Variants in C22orf31 observed in about 807,000 individuals in gnomAD.
C22orf31 encodes uncharacterized protein C22orf31.
C22orf31 carries 11 observed loss-of-function variants against 15.0 expected under a neutral mutation model. The observed-to-expected ratio is 0.73, with a 90% CI of 0.46 to 1.21. The LOEUF (loss-of-function observed/expected upper bound fraction) is 1.21, where lower values mean the gene tolerates loss of function less well. Ranked by LOEUF, C22orf31 falls within the 50% of genes most tolerant of loss-of-function variation. The pLI is 0.00. For synonymous variants in C22orf31, 132 were observed against 133.3 expected, an observed-to-expected ratio of 0.99 and a Z score of 0.07; for missense variants, 340 against 347.2, an observed-to-expected ratio of 0.98 and a Z score of 0.17.
At position 29,060,666 on chromosome 22, in the gene C22orf31, AGGAAGT is replaced by A. The variant is rs2037381267; in HGVS notation, c.175_180del (p.Thr59_Ser60del). On this transcript the variant is annotated inframe_deletion, in exon 2 of 3. Transcript: ENST00000216071. ...AATGGGTTCCTTACAACTTCCCAAG[AGGAAGT>A]GGTAGCTGGTGCTGGGGCATTAATG... The A allele has an allele frequency of 6.2e-7, 1 of 1,614,186 alleles. No individual in the cohort carries two copies. The highest frequency in any genetic ancestry group is 8.5e-7 in the Non-Finnish European group (1 of 1,180,020).
upstream of C22orf31, among the ~76,000 whole-genome samples, chr22:29,065,705 G>C (rs1006127236): frequency 2.0e-5 from 3 of 152,222 alleles, no homozygotes; most frequent in African/African-American, 7.2e-5. Flanking sequence ...TCCCATCAAA[G>C]GCTGTTTAGA....
chr22:29,066,520 C>CTTTCTTTTCTTTTCT (rs1400927215), upstream of C22orf31, among the ~76,000 whole-genome samples: 1 of 107,650 alleles, frequency 9.3e-6, no homozygotes. Flanking sequence ...TTCTTTCTTT[C>CTTTCTTTTCTTTTCT]TTTCTTTTCT....
At chr22:29,066,709 C>G (rs1204944144), upstream of C22orf31, among the ~76,000 whole-genome samples, 1 of 151,686 alleles carries the variant, frequency 6.6e-6, no homozygotes, top group Non-Finnish European at 1.5e-5. Context: ...TACAAGCACT[C>G]ACCACCATGC....
chr22:29,060,910 AC>A, intron 1 of C22orf31, 67 bp from the exon 2 acceptor site: 1 of 1,311,230 alleles, frequency 7.6e-7, no homozygotes, highest in Non-Finnish European at 1.1e-6. Flanking sequence ...TAAAAGGTCT[AC>A]TTTGAAGGCA....
the C22orf31 span, among the ~76,000 whole-genome samples, chr22:29,072,678 C>T: frequency 6.6e-6 from 1 of 152,208 alleles, no homozygotes; most frequent in African/African-American, 2.4e-5. Context: ...GCGCGTGGGT[C>T]ACGACCTAAG....
At chr22:29,070,087 A>G in the C22orf31 span, among the ~76,000 whole-genome samples, 1 of 151,694 alleles carries the variant, frequency 6.6e-6, no homozygotes. Context: ...CTGGGATTAC[A>G]GGCACCTACC....
At chr22:29,061,681 T>C in intron 1 of C22orf31, 109 bp downstream of exon 1, 1 of 796,224 alleles carries the variant, frequency 1.3e-6, no homozygotes, top group Non-Finnish European at 2.0e-6. Context: ...GGCCTCCATT[T>C]CCTGGGACCA....
Position 29,060,551 on chromosome 22 carries a change from C to T in C22orf31, c.296G>A (p.Gly99Glu). The T allele has an allele frequency of 6.2e-7, 1 of 1,614,172 alleles. No homozygotes were observed. Among genetic ancestry groups the T allele is most frequent in the Non-Finnish European group, 8.5e-7 (1 of 1,180,044 alleles). Reference sequence around the variant, plus strand: ...GTGCTTTAATCTCTTCGAGAGTTTTCCTTCTCCAAACTTGCATGGTGGTGG... The same window carrying T: ...GTGCTTTAATCTCTTCGAGAGTTTTTCTTCTCCAAACTTGCATGGTGGTGG... ...CCPPPCKFGE[G>E]KLSKRLKHKD... The change falls in exon 2 of 3, where the codon GGA becomes GAA. Residue 99 changes from glycine to glutamate, a missense_variant. Gly to Glu is a moderately conservative substitution (Grantham distance 98, BLOSUM62 -2). Coordinates refer to ENST00000216071, the MANE Select transcript of C22orf31 (RefSeq NM_015370.2).
In C22orf31 at chr22:29,059,125, A is replaced by G; in HGVS notation, c.490T>C (p.Tyr164His). The G allele has an allele frequency of 6.2e-7, 1 of 1,614,070 alleles. No homozygotes were observed. The highest frequency in any genetic ancestry group is 8.5e-7 in the Non-Finnish European group (1 of 1,179,974). Residue 164 changes from tyrosine (Y) to histidine (H), a missense_variant, in exon 3 of 3, where the codon TAT becomes CAT. Tyr to His is a moderately conservative substitution (Grantham distance 83). Coordinates refer to ENST00000216071, the MANE Select transcript of C22orf31 (RefSeq NM_015370.2). ...LTVRQDLEDRYAEHVAATQAL... is the reference protein window; with the variant it reads ...LTVRQDLEDRHAEHVAATQAL... The stretch of plus-strand genomic sequence containing the variant: ...TGGGTGGCAGCCACATGTTCAGCAT[A>G]TCTGTCCTCAAGATCTTGGCGGACT...
At chr22:29,061,180 A>G (rs1162151441) in intron 1 of C22orf31, among the ~76,000 whole-genome samples, 1 of 152,188 alleles carries the variant, frequency 6.6e-6, no homozygotes, top group African/African-American at 2.4e-5. Context: ...CAAGACTTCC[A>G]TATGAGCTGT....
rs372162055 is a variant in C22orf31 at position 29,061,829 on chromosome 22, G to T, written c.-37C>A. ...CTTAAATTTTATTTTCGCTAGCTTA[G>T]TAAGGGGAAGAAATATGTATTTTCT... On this transcript the variant is annotated 5_prime_UTR_variant, in exon 1 of 3. Transcript: ENST00000216071. The T allele has an allele frequency of 2.0e-4, 298 of 1,489,762 alleles. No individual in the cohort carries two copies. Among genetic ancestry groups the T allele is most frequent in the Non-Finnish European group, 2.6e-4 (282 of 1,084,444 alleles). 92.3% of individuals were successfully genotyped at this position (1,489,762 alleles called of 1,614,324 possible). A position where few individuals can be genotyped will look rare whatever the true frequency, so the allele number is the denominator to read the frequency against.
At chr22:29,071,794 A>G in the C22orf31 span, among the ~76,000 whole-genome samples, 1 of 152,150 alleles carries the variant, frequency 6.6e-6, no homozygotes, top group African/African-American at 2.4e-5. Flanking sequence ...CAAAGGGCCT[A>G]CCACGCTGGG....
chr22:29,072,409 G>T, the C22orf31 span, among the ~76,000 whole-genome samples: 2 of 152,150 alleles, frequency 1.3e-5, no homozygotes, highest in Non-Finnish European at 2.9e-5. Flanking sequence ...CACAGGAGTT[G>T]TTAGCCACCG....
At chr22:29,073,200 C>T in the C22orf31 span, 3 of 1,189,902 alleles carry the variant, frequency 2.5e-6, no homozygotes, top group Non-Finnish European at 2.1e-6. The surrounding 1 kb of genome is among the most constrained non-coding windows in gnomAD (Gnocchi z 4.4). Context: ...CCGGCCCGCG[C>T]CTAGCCCCGG....
chr22:29,060,992 G>T, intron 1 of C22orf31, 149 bp from the exon 2 acceptor site: 3 of 644,182 alleles, frequency 4.7e-6, no homozygotes, highest in Non-Finnish European at 5.2e-6. Context: ...GTCCTCTCCT[G>T]TTCACCAAAG....
chr22:29,058,686 G>C lies in C22orf31; in HGVS notation c.*56C>G. On this transcript the variant is annotated 3_prime_UTR_variant, in exon 3 of 3. Transcript: ENST00000216071. ...GCGATAACACGGAAGGTGCAAAGTT[G>C]TGTTTATTTTTCAGATCTCTAGCAG... The C allele has an allele frequency of 7.3e-7, 1 of 1,361,262 alleles. No individual in the cohort carries two copies. Among genetic ancestry groups the C allele is most frequent in the East Asian group, 2.3e-5 (1 of 43,514 alleles). 84.3% of individuals were successfully genotyped at this position (1,361,262 alleles called of 1,614,324 possible). A position where few individuals can be genotyped will look rare whatever the true frequency, so the allele number is the denominator to read the frequency against.
the C22orf31 span, among the ~76,000 whole-genome samples, chr22:29,067,351 T>C: frequency 7.3e-5 from 11 of 151,682 alleles, no homozygotes; most frequent in Non-Finnish European, 8.8e-5. Flanking sequence ...CCCATTCCAG[T>C]CCCAGCTCTG....
chr22:29,062,383 A>G (rs1296026465), upstream of C22orf31, among the ~76,000 whole-genome samples: 1 of 152,156 alleles, frequency 6.6e-6, no homozygotes, highest in Non-Finnish European at 1.5e-5. Context: ...CTTTCCCTGC[A>G]TGTCTCTCCC....
chr22:29,060,041 T>TA, intron 2 of C22orf31: 3 of 845,036 alleles, frequency 3.6e-6, no homozygotes, highest in Non-Finnish European at 2.8e-6. Flanking sequence ...TTTTTTTTTT[T>TA]TTATTTTTTA....
Sources: gnomAD v4.1 joint callset for allele counts (sites outside exome capture counted in the v4.1 genomes callset) on GRCh38, gnomAD v4.1.1 for gene constraint, Gnocchi (gnomAD v3.1) non-coding constraint, MANE v1.5 for transcripts, NCBI Gene and HGNC (gene_info 2026-07-23, HGNC 2026-07-21) for gene names.